Variants in ERFL observed in about 807,000 individuals in gnomAD.
The protein encoded by ERFL is ETS domain-containing transcription factor ERF-like.
ERFL carries 8 observed loss-of-function variants against 27.9 expected under a neutral mutation model. That is an observed-to-expected ratio of 0.29 (90% CI 0.17 to 0.52). The LOEUF is 0.52. Ranked by LOEUF, ERFL falls within the 20% of genes least tolerant of loss-of-function variation. The pLI is 0.97. For synonymous variants in ERFL, 174 were observed against 202.8 expected, an observed-to-expected ratio of 0.86 and a Z score of 1.21; for missense variants, 294 against 444.4, an observed-to-expected ratio of 0.66 and a Z score of 3.04.
intron 1 of ERFL, among the ~76,000 whole-genome samples, chr19:41,922,396 G>C (rs1477237594): frequency 6.6e-6 from 1 of 152,174 alleles, no homozygotes; most frequent in Admixed American, 6.5e-5. Flanking sequence ...GGGAAATAGG[G>C]ATGGAGCCGA....
chr19:41,913,506 G>A (rs1036603589), intron 1 of ERFL, among the ~76,000 whole-genome samples: 3 of 150,414 alleles, frequency 2.0e-5, no homozygotes, highest in African/African-American at 7.4e-5. Flanking sequence ...CGCCCAGGAC[G>A]GGCTGCAGGG....
intron 2 of ERFL, among the ~76,000 whole-genome samples, chr19:41,911,409 G>T (rs1174609786): frequency 6.6e-6 from 1 of 152,224 alleles, no homozygotes; most frequent in Admixed American, 6.5e-5. Context: ...ACTGCTGTGC[G>T]CCAGGGCAGG....
intron 1 of ERFL, among the ~76,000 whole-genome samples, chr19:41,915,901 G>A (rs969377090): frequency 2.6e-5 from 4 of 152,164 alleles, no homozygotes; most frequent in Non-Finnish European, 5.9e-5. Flanking sequence ...CAGCCCCAGT[G>A]GCTGTGGATG....
At chr19:41,913,117 G>C (rs2074763832) in intron 1 of ERFL, among the ~76,000 whole-genome samples, 185 bp from the exon 2 acceptor site, 1 of 150,158 alleles carries the variant, frequency 6.7e-6, no homozygotes, top group East Asian at 2.0e-4. Context: ...AGCCGTTCCC[G>C]GCCCCGAGAC....
chr19:41,925,097 T>C (rs1555853118), intron 1 of ERFL, among the ~76,000 whole-genome samples: 1 of 151,884 alleles, frequency 6.6e-6, no homozygotes, highest in Admixed American at 6.6e-5. Flanking sequence ...TTTCAGGAGG[T>C]GACCCCTAGA....
chr19:41,927,507 C>T (rs1371873355), intron 1 of ERFL, among the ~76,000 whole-genome samples: 1 of 152,102 alleles, frequency 6.6e-6, no homozygotes, highest in African/African-American at 2.4e-5. Flanking sequence ...CAGATATCCA[C>T]ACCCCCAGTC....
chr19:41,914,542 G>C (rs1199542749), intron 1 of ERFL, among the ~76,000 whole-genome samples: 2 of 134,716 alleles, frequency 1.5e-5, no homozygotes, highest in Non-Finnish European at 3.1e-5. Flanking sequence ...TCTGCTATCC[G>C]TCTTTCCCTC....
Position 41,917,938 on chromosome 19 carries a change from G to T in ERFL, c.-13-5006C>A, listed in dbSNP as rs1370764038. 6.6e-6 allele frequency among the ~76,000 whole-genome samples: 1 copy of T among 151,794 alleles called. No homozygotes were observed. The highest frequency in any genetic ancestry group is 1.9e-4 in the East Asian group (1 of 5,182). On this transcript the variant is annotated intron_variant, in intron 1 of 5. Coordinates refer to ENST00000597630, the MANE Select transcript of ERFL (RefSeq NM_001365103.2). The surrounding 1 kb of genome is among the most constrained non-coding windows in gnomAD (Gnocchi z 4.8). ...GCGGTCACACACTGTGTGTGTGTGT[G>T]CTCACACACCTGTCCGTCCAGACTA...
intron 1 of ERFL, among the ~76,000 whole-genome samples, chr19:41,924,536 C>T (rs1244315684): frequency 4.6e-5 from 7 of 151,946 alleles, no homozygotes; most frequent in African/African-American, 9.7e-5. Context: ...TCCTCATTCT[C>T]GTTGTCGCCA....
rs1461959075 is a variant in ERFL at position 41,908,071 on chromosome 19, C to G, written c.*157G>C. ...TCCTCTGTGGAGGGGGAAGTGAGAC[C>G]CCCCCCACTCTGGGGCTGGGGAAGG... On this transcript the variant is annotated 3_prime_UTR_variant, in exon 6 of 6. Transcript: ENST00000597630. The surrounding 1 kb of genome is among the most constrained non-coding windows in gnomAD (Gnocchi z 6.7). 2.0e-6 allele frequency: 1 copy of G among 495,098 alleles called. No homozygotes were observed. Among genetic ancestry groups the G allele is most frequent in the Admixed American group, 4.4e-5 (1 of 22,788 alleles). The allele number at this position is 495,098 out of a possible 1,614,324, so 30.7% of individuals were successfully genotyped here. A position where few individuals can be genotyped will look rare whatever the true frequency, so the allele number is the denominator to read the frequency against.
At chr19:41,920,907 C>G (rs547360352) in intron 1 of ERFL, among the ~76,000 whole-genome samples, 1 of 152,096 alleles carries the variant, frequency 6.6e-6, no homozygotes, top group South Asian at 2.1e-4. Context: ...ACCCCCCTCC[C>G]TCTGTCTCTC....
At chr19:41,914,633 CTGTCT>C (rs2074780208) in intron 1 of ERFL, among the ~76,000 whole-genome samples, 1 of 52,556 alleles carries the variant, frequency 1.9e-5, no homozygotes. Context: ...ATCTCTGTCT[CTGTCT>C]CTCCCTCCCT....
chr19:41,927,874 C>T (rs1462542454), intron 1 of ERFL, among the ~76,000 whole-genome samples, 166 bp downstream of exon 1: 1 of 152,004 alleles, frequency 6.6e-6, no homozygotes, highest in Non-Finnish European at 1.5e-5. Flanking sequence ...GGCGCTGCCC[C>T]ACCTGCCCCT....
In ERFL at chr19:41,913,281, C is replaced by T. The variant is rs537338055; in HGVS notation, c.-13-349G>A. 3.8e-3 allele frequency among the ~76,000 whole-genome samples: 575 copies of T among 149,712 alleles called. 4 individuals are homozygous for T. Among genetic ancestry groups the T allele is most frequent in the African/African-American group, 0.014 (563 of 40,740 alleles). On this transcript the variant is annotated intron_variant, in intron 1 of 5. Transcript: ENST00000597630. ...CTCTCACGCCCGCCCGCCCGCCCGC[C>T]GCTCGCGCCCCGCACCGTCTCTGCT... is the stretch of plus-strand genomic sequence containing the variant.
Position 41,908,528 on chromosome 19 carries a change from A to C in ERFL, c.765T>G (p.Pro255=). The change falls in exon 6 of 6, where the codon CCT becomes CCG. Residue 255 remains proline, a synonymous_variant. Coordinates refer to ENST00000597630, the MANE Select transcript of ERFL (RefSeq NM_001365103.2). The surrounding 1 kb of genome is among the most constrained non-coding windows in gnomAD (Gnocchi z 6.7). ...SLYPPHFYPN[P]LASSLGHLPS... ...GCAGGTGGCCCAGGGAACTGGCCAG[A>C]GGGTTGGGGTAGAAATGCGGGGGGT... 1 of 1,231,498 alleles carries C rather than the reference A, an allele frequency of 8.1e-7. No individual in the cohort carries two copies. The highest frequency in any genetic ancestry group is 1.0e-6 in the Non-Finnish European group (1 of 987,976). 76.3% of individuals were successfully genotyped at this position (1,231,498 alleles called of 1,614,324 possible).
At chr19:41,911,162 G>T (rs893895107) in intron 2 of ERFL, among the ~76,000 whole-genome samples, 1 of 152,126 alleles carries the variant, frequency 6.6e-6, no homozygotes, top group African/African-American at 2.4e-5. Flanking sequence ...GGCTCACTCA[G>T]CATCACGTCT....
chr19:41,914,459 C>G (rs1326088904), intron 1 of ERFL, among the ~76,000 whole-genome samples: 2 of 151,908 alleles, frequency 1.3e-5, no homozygotes, highest in African/African-American at 4.8e-5. Context: ...TCTCTCACCC[C>G]TGCTTCTTCT....
chr19:41,920,607 T>C (rs2074836609), intron 1 of ERFL, among the ~76,000 whole-genome samples: 1 of 152,190 alleles, frequency 6.6e-6, no homozygotes, highest in Non-Finnish European at 1.5e-5. Flanking sequence ...CATGTGTGGC[T>C]CCACTCAGCA....
intron 1 of ERFL, among the ~76,000 whole-genome samples, chr19:41,925,186 G>A (rs1196950343): frequency 6.6e-6 from 1 of 152,142 alleles, no homozygotes; most frequent in Non-Finnish European, 1.5e-5. Context: ...GTATCTGTTT[G>A]CTGATTAAAT....
Sources: allele counts gnomAD v4.1 joint callset (sites outside exome capture counted in the v4.1 genomes callset), GRCh38; gene constraint gnomAD v4.1.1; non-coding constraint Gnocchi (gnomAD v3.1); transcripts MANE v1.5; gene names NCBI Gene and HGNC (gene_info 2026-07-23, HGNC 2026-07-21).